EPX: variants seen among roughly 807,000 people sequenced by gnomAD.
EPX encodes the protein eosinophil peroxidase.
In EPX, 60 loss-of-function variants were observed where a neutral mutation model predicts 73.0. The ratio of observed to expected loss-of-function variants is 0.82; its 90% confidence interval spans 0.67 to 1.02. The LOEUF (loss-of-function observed/expected upper bound fraction) is 1.02, where lower values mean the gene tolerates loss of function less well. Ranked by LOEUF, EPX falls within the 50% of genes least tolerant of loss-of-function variation. The pLI, the probability that EPX is intolerant of heterozygous loss-of-function variation, is 0.00. For synonymous variants in EPX, 347 were observed against 389.2 expected (o/e 0.89, Z 1.28); for missense variants, 950 against 973.9 (o/e 0.98, Z 0.33).
rs34489936 is a variant in EPX at position 58,203,337 on chromosome 17, A to G, written c.1946+19A>G. On this transcript the variant is annotated intron_variant, in intron 11 of 12. Transcript: ENST00000225371. ...GAGACAGGTAAGTGACCCTATCATA[A>G]AAGACATCAGCACCAGAGGCAGAGC... The G allele has an allele frequency of 7.5e-4, 1,142 of 1,520,768 alleles. 12 individuals carry two copies. The African/African-American group carries it at 0.014, about 19-fold the overall frequency. The allele number at this position is 1,520,768 out of a possible 1,614,324, so 94.2% of individuals were successfully genotyped here. A position where few individuals can be genotyped will look rare whatever the true frequency, so the allele number is the denominator to read the frequency against.
rs1407364270 is a variant in EPX at position 58,195,176 on chromosome 17, T to C, written c.801+6T>C. On this transcript the variant is annotated splice_donor_region_variant and intron_variant, in intron 6 of 12. Transcript: ENST00000225371. Reference sequence around the variant, plus strand: ...CCCCCTGCTTTCCCATCAAGGTACCTACCCTCAGCCAATCTCCCATGCCCT... The same window carrying C: ...CCCCCTGCTTTCCCATCAAGGTACCCACCCTCAGCCAATCTCCCATGCCCT... The C allele has an allele frequency of 1.1e-5, 16 of 1,485,130 alleles. No homozygotes were observed. The highest frequency in any genetic ancestry group is 3.3e-5 in the Admixed American group (2 of 59,828). The allele number at this position is 1,485,130 out of a possible 1,614,324, so 92.0% of individuals were successfully genotyped here. A position where few individuals can be genotyped will look rare whatever the true frequency, so the allele number is the denominator to read the frequency against.
Position 58,192,876 on chromosome 17 carries a change from C to G in EPX, c.30C>G (p.Val10=). The G allele has an allele frequency of 6.2e-7, 1 of 1,614,108 alleles. No individual in the cohort carries two copies. Among genetic ancestry groups the G allele is most frequent in the Admixed American group, 1.7e-5 (1 of 60,030 alleles). Reference sequence around the variant, plus strand: ...ATCTGCTCCCAGCCCTGGCAGGGGTCCTGGCCACACTCGTCCTCGCCCAGC... The same window carrying G: ...ATCTGCTCCCAGCCCTGGCAGGGGTGCTGGCCACACTCGTCCTCGCCCAGC... MHLLPALAG[V]LATLVLAQPC... Residue 10 remains valine (V), a synonymous_variant, in exon 1 of 13, where the codon GTC becomes GTG. Coordinates refer to ENST00000225371, the MANE Select transcript of EPX (RefSeq NM_000502.6).
rs1170959838 is a variant in EPX, at chr17:58,204,410, G to A, written c.2135G>A (p.Trp712Ter). The A allele has an allele frequency of 8.1e-6, 13 of 1,613,994 alleles. No individual in the cohort carries two copies. The highest frequency in any genetic ancestry group is 9.3e-6 in the Non-Finnish European group (11 of 1,179,852). The change falls in exon 12 of 13, where the codon TGG (tryptophan) becomes TAG (stop). Residue 712 changes from tryptophan to a stop codon, truncating the protein, a stop_gained. Transcript: ENST00000225371. LOFTEE classifies it high-confidence loss of function. ...SRIPRLNLSA[W>*]RGT ...ATCCCCAGGTTGAACCTATCAGCCT[G>A]GCGAGGGACATGAGGCTTCTGCAGG... is the stretch of plus-strand genomic sequence containing the variant.
rs1968312625 is a variant in EPX at position 58,199,684 on chromosome 17, T to C, written c.1427T>C (p.Met476Thr). 4 of 1,614,146 alleles carry C rather than the reference T, an allele frequency of 2.5e-6. No homozygotes were observed. The highest frequency in any genetic ancestry group is 1.7e-5 in the Admixed American group (1 of 60,016). ...FTLAFRFGHTMLQPFMFRLDS... is the reference protein window; with the variant it reads ...FTLAFRFGHTTLQPFMFRLDS... ...CTGGCCTTCCGCTTTGGCCACACAA[T>C]GCTCCAGCCCTTCATGTTCCGCTTG... The change falls in exon 9 of 13, where the codon ATG (methionine) becomes ACG (threonine). Residue 476 changes from methionine (M) to threonine (T), a missense_variant. Coordinates refer to ENST00000225371, the MANE Select transcript of EPX (RefSeq NM_000502.6).
chr17:58,198,338 G>C (rs1433618781), intron 7 of EPX, among the ~76,000 whole-genome samples: 1 of 152,146 alleles, frequency 6.6e-6, no homozygotes, highest in African/African-American at 2.4e-5. Flanking sequence ...CCAGTCCACT[G>C]TATTCCACTG....
rs1002948590 is a variant in EPX at position 58,195,306 on chromosome 17, C to A, written c.801+136C>A. On this transcript the variant is annotated intron_variant, in intron 6 of 12. Coordinates refer to ENST00000225371, the MANE Select transcript of EPX (RefSeq NM_000502.6). ...GGAGCTAGGGTATGAGACAGAGACA[C>A]AAGAAACACAGCTGAGCAGAGACCC... 6.8e-5 allele frequency: 52 copies of A among 761,828 alleles called. No homozygotes were observed. In the East Asian group the frequency reaches 1.3e-3, roughly 19 times the overall value. 47.2% of individuals were successfully genotyped at this position (761,828 alleles called of 1,614,324 possible).
intron 12 of EPX, 66 bp downstream of exon 12, chr17:58,204,500 G>A: frequency 2.1e-6 from 2 of 951,576 alleles, no homozygotes; most frequent in Admixed American, 3.7e-5. Context: ...CTGGATGGAT[G>A]GCTGAGTCCT....
Position 58,199,125 on chromosome 17 carries a change from G to A in EPX, c.1206G>A (p.Leu402=). ...MREHNRLATE[L]RRLNPRWNGD... ...AGCACAACCGGCTGGCCACCGAGCT[G>A]AGACGCCTGAATCCCCGGTGGAATG... Residue 402 remains leucine, a synonymous_variant, in exon 8 of 13, where the codon CTG becomes CTA. Transcript: ENST00000225371. 1 of 1,614,094 alleles carries A rather than the reference G, an allele frequency of 6.2e-7. No homozygotes were observed. The highest frequency in any genetic ancestry group is 8.5e-7 in the Non-Finnish European group (1 of 1,179,994).
chr17:58,201,520 C>T (rs1968340733), intron 10 of EPX, among the ~76,000 whole-genome samples: 1 of 152,202 alleles, frequency 6.6e-6, no homozygotes, highest in Non-Finnish European at 1.5e-5. Flanking sequence ...CCTGCCGCCG[C>T]CTACAGCTGG....
At position 58,193,908 on chromosome 17, in the gene EPX, G is replaced by C. The variant is rs550768756; in HGVS notation, c.465-55G>C. 6 of 1,611,782 alleles carry C rather than the reference G, an allele frequency of 3.7e-6. No individual in the cohort carries two copies. The African/African-American group carries it at 8.0e-5, about 21-fold the overall frequency. ...TCCTGCACCCACCCTCTCCCTCCAT[G>C]CTGAGCCATCTCCAGGCCCTGCCCC... On this transcript the variant is annotated intron_variant, in intron 4 of 12. Coordinates refer to ENST00000225371, the MANE Select transcript of EPX (RefSeq NM_000502.6).
chr17:58,204,946 G>T lies in EPX; in HGVS notation c.*222G>T. On this transcript the variant is annotated 3_prime_UTR_variant, in exon 13 of 13. Coordinates refer to ENST00000225371, the MANE Select transcript of EPX (RefSeq NM_000502.6). ...CTCTTAGGTATTAGGCTATGAATCA[G>T]CGCCACGTGCAAAGGCTTGGGAGCC... 5.9e-6 allele frequency: 1 copy of T among 168,068 alleles called. No homozygotes were observed. Among genetic ancestry groups the T allele is most frequent in the Non-Finnish European group, 1.3e-5 (1 of 76,654 alleles). The allele number at this position is 168,068 out of a possible 1,614,324, so 10.4% of individuals were successfully genotyped here.
chr17:58,194,888 C>T (rs1226115736), intron 5 of EPX, 76 bp from the exon 6 acceptor site: 9 of 1,095,414 alleles, frequency 8.2e-6, no homozygotes, highest in Admixed American at 5.7e-5. Flanking sequence ...CTGCTGCTCC[C>T]TGAGTCCTGG....
intron 12 of EPX, 140 bp downstream of exon 12, chr17:58,204,574 A>G (rs1968402708): frequency 7.9e-6 from 5 of 636,114 alleles, no homozygotes; most frequent in Admixed American, 2.4e-5. Context: ...TGGCTTCCCA[A>G]TGTGCTAGTT....
In EPX at chr17:58,200,290, A is replaced by T. The variant is rs563395723; in HGVS notation, c.1603A>T (p.Met535Leu). The change falls in exon 10 of 13, where the codon ATG becomes TTG. Residue 535 changes from methionine (M) to leucine (L), a missense_variant. Transcript: ENST00000225371. ...TGCCAAGCTGAACCGTCAGGATGCC[A>T]TGTTAGTGGATGAGCTCCGGGACCG... ...TPAKLNRQDAMLVDELRDRLF... is the reference protein window; with the variant it reads ...TPAKLNRQDALLVDELRDRLF... The T allele has an allele frequency of 1.9e-6, 3 of 1,614,196 alleles. No homozygotes were observed. Among genetic ancestry groups the T allele is most frequent in the African/African-American group, 2.7e-5 (2 of 75,066 alleles).
In EPX at chr17:58,197,003, C is replaced by CG. The variant is rs1968265546; in HGVS notation, c.866_867insG (p.Ser290LeufsTer29). The CG allele has an allele frequency of 6.2e-7, 1 of 1,614,030 alleles. No individual in the cohort carries two copies. Among genetic ancestry groups the CG allele is most frequent in the African/African-American group, 1.3e-5 (1 of 74,896 alleles). ...TGCATCCCTTTCTTCCGCTCGGCAC[C>CG]CTCATGCCCCCAAAACAAGAACAGA... On this transcript the variant is annotated frameshift_variant, in exon 7 of 13. Transcript: ENST00000225371. LOFTEE classifies it high-confidence loss of function.
intron 11 of EPX, among the ~76,000 whole-genome samples, 170 bp from the exon 12 acceptor site, chr17:58,204,051 TG>T (rs1968390235): frequency 6.8e-6 from 1 of 147,916 alleles, no homozygotes; most frequent in African/African-American, 2.5e-5. Context: ...CACTTAATAC[TG>T]GGCAATTTAT....
At chr17:58,203,392 A>C in intron 11 of EPX, 74 bp downstream of exon 11, 1 of 958,032 alleles carries the variant, frequency 1.0e-6, no homozygotes, top group Non-Finnish European at 1.7e-6. Context: ...AAGACTAAAC[A>C]TTGAAGAACA....
At position 58,199,189 on chromosome 17, in the gene EPX, G is replaced by A. The variant is rs964501629; in HGVS notation, c.1270G>A (p.Ala424Thr). Residue 424 changes from alanine (A) to threonine (T), a missense_variant, in exon 8 of 13, where the codon GCC becomes ACC. Ala to Thr is a moderately conservative substitution (Grantham distance 58, BLOSUM62 0). Coordinates refer to ENST00000225371, the MANE Select transcript of EPX (RefSeq NM_000502.6). ...CAATGAGGCTCGGAAGATCATGGGG[G>A]CCATGGTCCAGGTAAGGAGCTCTGC... ...LYNEARKIMG[A>T]MVQIITYRDF... 33 of 1,613,866 alleles carry A rather than the reference G, an allele frequency of 2.0e-5. No homozygotes were observed. The highest frequency in any genetic ancestry group is 2.8e-5 in the Non-Finnish European group (33 of 1,179,928).
Position 58,200,397 on chromosome 17 carries a change from T to A in EPX, c.1708+2T>A. ...GAAGCCGGGACCACGGCCTTCCAGG[T>A]GAGGGGGCTGTCCACCTCTTCTCCC... On this transcript the variant is annotated splice_donor_variant, in intron 10 of 12. Coordinates refer to ENST00000225371, the MANE Select transcript of EPX (RefSeq NM_000502.6). LOFTEE classifies it high-confidence loss of function. 1 of 1,613,972 alleles carries A rather than the reference T, an allele frequency of 6.2e-7. No individual in the cohort carries two copies. Among genetic ancestry groups the A allele is most frequent in the Non-Finnish European group, 8.5e-7 (1 of 1,179,964 alleles).
Sources: gnomAD v4.1 joint callset for allele counts (sites outside exome capture counted in the v4.1 genomes callset) on GRCh38, gnomAD v4.1.1 for gene constraint, MANE v1.5 for transcripts, NCBI Gene and HGNC (gene_info 2026-07-23, HGNC 2026-07-21) for gene names.